The following DCHS2 variants were observed in gnomAD, a reference collection of about 807,000 sequenced individuals.
The protein encoded by DCHS2 is dachsous cadherin-related 2.
A neutral mutation model predicts 182.4 loss-of-function variants in DCHS2; 142 were observed. The ratio of observed to expected loss-of-function variants is 0.78; its 90% CI spans 0.68 to 0.89. The LOEUF (loss-of-function observed/expected upper bound fraction) is 0.89. Among genes scored for constraint, DCHS2 ranks in the 40% least tolerant of loss-of-function variants. The pLI is 0.00. For synonymous variants in DCHS2, 1,740 were observed against 1,663.3 expected, an observed-to-expected ratio of 1.05 and a Z score of -1.12; for missense variants, 4,319 against 4,198.6, an observed-to-expected ratio of 1.03 and a Z score of -0.79.
intron 3 of DCHS2, chr4:154,343,566 C>A (rs1429320085): frequency 6.5e-7 from 1 of 1,527,086 alleles, no homozygotes; most frequent in Non-Finnish European, 8.8e-7. Flanking sequence ...ATGGAGATGG[C>A]GTCTTCCCTT....
At chr4:154,380,939 T>C (rs1234508307) in intron 1 of DCHS2, among the ~76,000 whole-genome samples, 2 of 152,062 alleles carry the variant, frequency 1.3e-5, no homozygotes, top group Non-Finnish European at 1.5e-5. Flanking sequence ...AATTGAGTAA[T>C]AGAAAATGGA....
intron 1 of DCHS2, among the ~76,000 whole-genome samples, chr4:154,456,167 T>G (rs1401076021): frequency 1.3e-5 from 2 of 152,190 alleles, no homozygotes; most frequent in Non-Finnish European, 2.9e-5. Flanking sequence ...ATAGGTTTTC[T>G]GTTTTGCCTT....
chr4:154,298,272 G>A lies in DCHS2; in HGVS notation c.6042C>T (p.Ile2014=). Residue 2014 remains isoleucine, a synonymous_variant, in exon 13 of 20, where the codon ATC becomes ATT. Coordinates refer to ENST00000357232, the MANE Select transcript of DCHS2 (RefSeq NM_001358235.2). ...TFSAVARDCS[I]QGSRSTTVII... Reference sequence around the variant, plus strand: ...TTACAGTGGTGCTTCGTGAACCCTGGATGCTACAGTCTCTGGCCACAGCAC... The same window carrying A: ...TTACAGTGGTGCTTCGTGAACCCTGAATGCTACAGTCTCTGGCCACAGCAC... 6.2e-7 allele frequency: 1 copy of A among 1,614,170 alleles called. No individual in the cohort carries two copies. The highest frequency in any genetic ancestry group is 1.1e-5 in the South Asian group (1 of 91,082).
At chr4:154,342,482 C>T (rs1729154126) in intron 3 of DCHS2, among the ~76,000 whole-genome samples, 1 of 152,186 alleles carries the variant, frequency 6.6e-6, no homozygotes, top group Non-Finnish European at 1.5e-5. Context: ...AAAATTGGAG[C>T]CAATCCTCCT....
intron 14 of DCHS2, among the ~76,000 whole-genome samples, chr4:154,262,382 A>G (rs1733030681): frequency 6.6e-6 from 1 of 152,208 alleles, no homozygotes; most frequent in Admixed American, 6.5e-5. Flanking sequence ...AGTTTTCACA[A>G]AGACATCAAG....
At chr4:154,401,697 A>G (rs555869534) in intron 1 of DCHS2, among the ~76,000 whole-genome samples, 1 of 152,300 alleles carries the variant, frequency 6.6e-6, no homozygotes, top group South Asian at 2.1e-4. Flanking sequence ...CACTGTCTCA[A>G]AAGTGCCAAT....
intron 3 of DCHS2, among the ~76,000 whole-genome samples, chr4:154,349,403 T>C (rs886128066): frequency 6.6e-6 from 1 of 152,218 alleles, no homozygotes; most frequent in Admixed American, 6.5e-5. Context: ...AACTTTAGCG[T>C]GAGTGACTCC....
At chr4:154,318,415 A>G (rs1378234906) in intron 9 of DCHS2, among the ~76,000 whole-genome samples, 1 of 152,024 alleles carries the variant, frequency 6.6e-6, no homozygotes, top group African/African-American at 2.4e-5. Context: ...CCAAATCAGA[A>G]AGAAAGAAGT....
chr4:154,235,472 GTTAC>G lies in DCHS2; in HGVS notation c.9176_9179del (p.Ser3059ThrfsTer13). 18 of 1,614,008 alleles carry G rather than the reference GTTAC, an allele frequency of 1.1e-5. No homozygotes were observed. Among genetic ancestry groups the G allele is most frequent in the Non-Finnish European group, 1.3e-5 (15 of 1,179,962 alleles). Reference sequence around the variant, plus strand: ...GAGTGGCATCCACAGGGACCACCTCGTTACTGCAGTCGTCAGTTTTCTGGAAGGC... The same window carrying G: ...GAGTGGCATCCACAGGGACCACCTCGTGCAGTCGTCAGTTTTCTGGAAGGC... On this transcript the variant is annotated frameshift_variant, in exon 20 of 20. Coordinates refer to ENST00000357232, the MANE Select transcript of DCHS2 (RefSeq NM_001358235.2). LOFTEE classifies it low-confidence loss of function (END_TRUNC).
intron 1 of DCHS2, among the ~76,000 whole-genome samples, chr4:154,458,833 C>A (rs1183751619): frequency 1.3e-5 from 2 of 152,076 alleles, no homozygotes; most frequent in African/African-American, 2.4e-5. Context: ...AAATACTGTC[C>A]TCTAAGGTTG....
intron 3 of DCHS2, among the ~76,000 whole-genome samples, chr4:154,339,020 T>C (rs1728943483): frequency 1.3e-5 from 2 of 152,126 alleles, no homozygotes; most frequent in African/African-American, 4.8e-5. Context: ...TAAAGTGAGA[T>C]TTACATTAAG....
At chr4:154,296,254 C>G (rs1477099549) in intron 13 of DCHS2, among the ~76,000 whole-genome samples, 2 of 152,080 alleles carry the variant, frequency 1.3e-5, no homozygotes, top group Admixed American at 1.3e-4. Context: ...CGTGGGCAAC[C>G]AAGTGGTTTA....
intron 1 of DCHS2, among the ~76,000 whole-genome samples, chr4:154,481,916 C>T (rs6536014): frequency 0.74 from 112,906 of 152,120 alleles, 42,455 homozygotes; most frequent in East Asian, 0.85. Context: ...ATAATGAGAA[C>T]GAGCAAACCT....
In DCHS2 at chr4:154,234,541, T is replaced by A. The variant is rs371685469; in HGVS notation, c.10111A>T (p.Ile3371Leu). The stretch of plus-strand genomic sequence containing the variant: ...TACTTGGCATCCCAGTGGTTTCATA[T>A]TTGAACTTCATCTTCTGCTTTAAGT... ...HELKAEDEVQ[I>L] Residue 3371 changes from isoleucine (I) to leucine (L), a missense_variant, in exon 20 of 20, where the codon ATA (isoleucine) becomes TTA (leucine). Transcript: ENST00000357232. The A allele has an allele frequency of 6.2e-7, 1 of 1,605,984 alleles. No homozygotes were observed. The highest frequency in any genetic ancestry group is 8.5e-7 in the Non-Finnish European group (1 of 1,174,994).
chr4:154,388,281 G>A (rs1195849322), intron 1 of DCHS2, among the ~76,000 whole-genome samples: 1 of 151,146 alleles, frequency 6.6e-6, no homozygotes, highest in East Asian at 1.9e-4. Flanking sequence ...TATATTTAAA[G>A]ACACAATAAA....
rs1434447450 is a variant in DCHS2, at chr4:154,332,738, T to G, written c.3470A>C (p.Asn1157Thr). 2 of 1,614,088 alleles carry G rather than the reference T, an allele frequency of 1.2e-6. No individual in the cohort carries two copies. The highest frequency in any genetic ancestry group is 1.7e-6 in the Non-Finnish European group (2 of 1,180,046). ...GGGGATCCAAGCAAACACTCTAAAA[T>G]TATATGTTTGGGTGGATTCATAGTC... ...QFDYESTQTY[N>T]FRVFAWIPED... Residue 1157 changes from asparagine to threonine, a missense_variant, in exon 5 of 20, where the codon AAT (asparagine) becomes ACT (threonine). Physicochemically the swap from Asn to Thr is moderately conservative, Grantham distance 65. Transcript: ENST00000357232.
intron 1 of DCHS2, among the ~76,000 whole-genome samples, chr4:154,383,285 A>G (rs1350548457): frequency 1.3e-5 from 2 of 152,060 alleles, no homozygotes; most frequent in Non-Finnish European, 2.9e-5. Context: ...AGTTATGGGT[A>G]TAAAGATGGG....
intron 15 of DCHS2, among the ~76,000 whole-genome samples, chr4:154,257,180 G>A (rs369658870): frequency 7.4e-4 from 112 of 152,218 alleles, no homozygotes; most frequent in African/African-American, 2.6e-3. Flanking sequence ...CCTGGGAGGC[G>A]GAGGTTGCAG....
At chr4:154,460,574 G>A (rs12643014) in intron 1 of DCHS2, among the ~76,000 whole-genome samples, 26,467 of 152,128 alleles carry the variant, frequency 0.17, 2,674 homozygotes, top group Admixed American at 0.28. Context: ...GTATGGGTCA[G>A]GGACTAGGAC....
Sources: allele counts gnomAD v4.1 joint callset (sites outside exome capture counted in the v4.1 genomes callset), GRCh38; gene constraint gnomAD v4.1.1; transcripts MANE v1.5; gene names NCBI Gene and HGNC (gene_info 2026-07-23, HGNC 2026-07-21).